Variants in TAOK3 observed in about 807,000 individuals in gnomAD.
The protein encoded by TAOK3 is TAO kinase 3.
In TAOK3, 40 loss-of-function variants were observed where a neutral mutation model predicts 120.4. The observed-to-expected ratio is 0.33, with a 90% CI of 0.26 to 0.43. The LOEUF (loss-of-function observed/expected upper bound fraction) is 0.43, where lower values mean the gene tolerates loss of function less well. Ranked by LOEUF, TAOK3 falls within the 20% of genes least tolerant of loss-of-function variation. TAOK3 has a pLI of 1.00. For missense variants in TAOK3, 821 were observed against 1,112.1 expected (o/e 0.74, Z 3.72); for synonymous variants, 355 against 387.5 (o/e 0.92, Z 0.99).
At chr12:118,326,770 G>C (rs772133641) in intron 1 of TAOK3, among the ~76,000 whole-genome samples, 66 of 152,074 alleles carry the variant, frequency 4.3e-4, no homozygotes, top group Admixed American at 2.6e-4. Flanking sequence ...AAAACATTCA[G>C]TGCTCTGGTT....
chr12:118,355,550 T>C (rs956174573), intron 1 of TAOK3, among the ~76,000 whole-genome samples: 2 of 152,206 alleles, frequency 1.3e-5, no homozygotes. Flanking sequence ...GTACACAATG[T>C]GGTAAGAGGA....
intron 13 of TAOK3, among the ~76,000 whole-genome samples, chr12:118,194,766 G>A (rs2037625001): frequency 6.6e-6 from 1 of 151,868 alleles, no homozygotes; most frequent in African/African-American, 2.4e-5. Flanking sequence ...CCCTCCACCA[G>A]ACGGAGTCTT....
At chr12:118,162,337 T>C (rs2035274587) in intron 17 of TAOK3, among the ~76,000 whole-genome samples, 1 of 152,208 alleles carries the variant, frequency 6.6e-6, no homozygotes. Context: ...AGTTAGGTGA[T>C]GTGCTATGCA....
At chr12:118,316,747 A>G (rs2043477387) in intron 1 of TAOK3, among the ~76,000 whole-genome samples, 2 of 152,142 alleles carry the variant, frequency 1.3e-5, no homozygotes, top group African/African-American at 2.4e-5. Flanking sequence ...AAAACCCTAA[A>G]TAACTCACAT....
intron 13 of TAOK3, among the ~76,000 whole-genome samples, chr12:118,195,722 C>T (rs1043875740): frequency 6.6e-6 from 1 of 152,100 alleles, no homozygotes; most frequent in African/African-American, 2.4e-5. Flanking sequence ...TCAGAATATG[C>T]CTTTAGCCTT....
rs1055218878 is a variant in TAOK3, at chr12:118,172,728, C to T, written c.1696-68G>A. On this transcript the variant is annotated intron_variant, in intron 16 of 20. Coordinates refer to ENST00000392533, the MANE Select transcript of TAOK3 (RefSeq NM_016281.4). ...AAGGGACTGTAACAGCTTATTGCAACTGAAGATTAAGTTATTTGGAAAGCC... is the reference window on the plus strand; with the variant it reads ...AAGGGACTGTAACAGCTTATTGCAATTGAAGATTAAGTTATTTGGAAAGCC... The T allele has an allele frequency of 2.9e-5, 39 of 1,360,618 alleles. 1 individual carries two copies. Among genetic ancestry groups the T allele is most frequent in the Non-Finnish European group, 4.0e-5 (38 of 954,564 alleles). 84.3% of individuals were successfully genotyped at this position (1,360,618 alleles called of 1,614,324 possible).
intron 1 of TAOK3, among the ~76,000 whole-genome samples, chr12:118,291,814 GA>G (rs1237163481): frequency 6.6e-6 from 1 of 151,888 alleles, no homozygotes; most frequent in Non-Finnish European, 1.5e-5. Flanking sequence ...CATATGAAAT[GA>G]AAAAAAATTT....
intron 1 of TAOK3, among the ~76,000 whole-genome samples, chr12:118,325,218 C>T (rs2043888549): frequency 6.6e-6 from 1 of 152,176 alleles, no homozygotes; most frequent in South Asian, 2.1e-4. Flanking sequence ...TTACTGATTT[C>T]CTTTCTTTTG....
At chr12:118,151,261 T>A in intron 20 of TAOK3, 103 bp from the exon 21 acceptor site, 1 of 1,156,956 alleles carries the variant, frequency 8.6e-7, no homozygotes, top group Non-Finnish European at 1.2e-6. Context: ...CACACACACA[T>A]AGGCACACAC....
intron 13 of TAOK3, among the ~76,000 whole-genome samples, chr12:118,197,031 C>T (rs2037763576): frequency 6.6e-6 from 1 of 152,108 alleles, no homozygotes; most frequent in South Asian, 2.1e-4. Flanking sequence ...AGTAAACCAT[C>T]CAATACAAAC....
At chr12:118,213,205 A>T (rs556532401) in intron 10 of TAOK3, among the ~76,000 whole-genome samples, 3 of 152,370 alleles carry the variant, frequency 2.0e-5, no homozygotes, top group African/African-American at 7.2e-5. Context: ...GTTAGTCAAC[A>T]TATTAATACA....
In TAOK3 at chr12:118,189,473, C is replaced by G. The variant is rs1265962239; in HGVS notation, c.1329+334G>C. Among the ~76,000 whole-genome samples, 3 of 142,498 alleles carry G rather than the reference C, an allele frequency of 2.1e-5. No homozygotes were observed. In the East Asian group the frequency reaches 6.2e-4, roughly 29 times the overall value. The allele number at this position is 142,498 out of a possible 152,430, so 93.5% of individuals were successfully genotyped here. ...GCTTTTAAAAAATTGGACAGGCTAG[C>G]AACTTCATCTCAAAGGCCTTATATT... On this transcript the variant is annotated intron_variant, in intron 14 of 20. Transcript: ENST00000392533.
chr12:118,364,715 C>G (rs11068924), intron 1 of TAOK3, among the ~76,000 whole-genome samples: 7,412 of 152,082 alleles, frequency 0.049, 394 homozygotes, highest in East Asian at 0.25. Context: ...TGAGACCAGC[C>G]TGGCCAACAC....
intron 9 of TAOK3, among the ~76,000 whole-genome samples, chr12:118,223,826 G>C (rs2039372811): frequency 6.6e-6 from 1 of 151,976 alleles, no homozygotes; most frequent in African/African-American, 2.4e-5. Flanking sequence ...TTTTAATAGA[G>C]ACAGGGTTTT....
chr12:118,174,008 AGTAAGCTGGG>A, intron 16 of TAOK3, among the ~76,000 whole-genome samples: 1 of 152,344 alleles, frequency 6.6e-6, no homozygotes, highest in African/African-American at 2.4e-5. Flanking sequence ...AGTAAGCTGG[AGTAAGCTGGG>A]ATCACAAGAG....
chr12:118,240,245 T>A lies in TAOK3; in HGVS notation c.295-973A>T, dbSNP rs1031784116. ...CCCAGGCTGGAGTGCAATGGCACGATCTTGGCTCACTGCAACCTCTACCTC... is the reference window on the plus strand; with the variant it reads ...CCCAGGCTGGAGTGCAATGGCACGAACTTGGCTCACTGCAACCTCTACCTC... On this transcript the variant is annotated intron_variant, in intron 5 of 20. Coordinates refer to ENST00000392533, the MANE Select transcript of TAOK3 (RefSeq NM_016281.4). Among the ~76,000 whole-genome samples the A allele has an allele frequency of 2.7e-5, 4 of 150,330 alleles. No individual in the cohort carries two copies. In the Admixed American group the frequency reaches 2.7e-4, roughly 10 times the overall value.
intron 1 of TAOK3, among the ~76,000 whole-genome samples, chr12:118,267,471 TC>T (rs1197994324): frequency 6.6e-5 from 10 of 151,294 alleles, no homozygotes; most frequent in African/African-American, 2.4e-4. Flanking sequence ...CACCTTGGCC[TC>T]CCAAAGTGCT....
intron 3 of TAOK3, among the ~76,000 whole-genome samples, chr12:118,251,861 C>T (rs1225110656): frequency 6.6e-6 from 1 of 151,180 alleles, no homozygotes; most frequent in African/African-American, 2.4e-5. Flanking sequence ...TCACTCTGTC[C>T]CCCAGGCTGG....
chr12:118,301,956 T>C (rs1007072608), intron 1 of TAOK3, among the ~76,000 whole-genome samples: 1 of 152,206 alleles, frequency 6.6e-6, no homozygotes, highest in Non-Finnish European at 1.5e-5. Context: ...CTCAGGCTAT[T>C]CCTCTTTAAC....
Sources: allele counts gnomAD v4.1 joint callset (sites outside exome capture counted in the v4.1 genomes callset), GRCh38; gene constraint gnomAD v4.1.1; transcripts MANE v1.5; gene names NCBI Gene and HGNC (gene_info 2026-07-23, HGNC 2026-07-21).